CCSER1: variants seen among roughly 807,000 people sequenced by gnomAD.
CCSER1 encodes the protein coiled-coil serine rich protein 1.
A neutral mutation model predicts 82.0 loss-of-function variants in CCSER1; 41 were observed. The ratio of observed to expected loss-of-function variants is 0.50; its 90% CI spans 0.39 to 0.65. CCSER1 has a LOEUF of 0.65. CCSER1 is among the 30% of genes least tolerant of loss of function. The pLI is 0.00. For missense variants in CCSER1, 1,119 were observed against 1,064.2 expected (o/e 1.05, Z -0.72); for synonymous variants, 414 against 383.9 (o/e 1.08, Z -0.92).
chr4:91,477,990 A>G (rs1306771364), intron 10 of CCSER1, among the ~76,000 whole-genome samples: 1 of 151,910 alleles, frequency 6.6e-6, no homozygotes, highest in African/African-American at 2.4e-5. Context: ...ACTATATTCC[A>G]GTCTTCTTGA....
chr4:90,933,316 T>C lies in CCSER1; in HGVS notation c.2172+9869T>C, dbSNP rs550998460. 6.0e-3 allele frequency among the ~76,000 whole-genome samples: 911 copies of C among 151,438 alleles called. 6 individuals are homozygous for C. Among genetic ancestry groups the C allele is most frequent in the African/African-American group, 0.021 (863 of 41,296 alleles). ...CATTCTCCTGCCTCAGCCTCCTGAG[T>C]AGCTGGGACTACAGGCGCCCGCCAC... On this transcript the variant is annotated intron_variant, in intron 9 of 10. Transcript: ENST00000509176.
At chr4:91,159,235 C>T (rs1054770576) in intron 10 of CCSER1, among the ~76,000 whole-genome samples, 1 of 151,884 alleles carries the variant, frequency 6.6e-6, no homozygotes, top group Non-Finnish European at 1.5e-5. Flanking sequence ...TAGAATGAGT[C>T]CTCTTATAAC....
chr4:90,146,866 C>A (rs1348351703), intron 1 of CCSER1, among the ~76,000 whole-genome samples: 1 of 151,960 alleles, frequency 6.6e-6, no homozygotes, highest in African/African-American at 2.4e-5. Flanking sequence ...TTTCTGTAAC[C>A]ACATGAATTA....
chr4:91,493,809 A>G (rs911811398), intron 10 of CCSER1, among the ~76,000 whole-genome samples: 6 of 151,858 alleles, frequency 4.0e-5, no homozygotes, highest in African/African-American at 1.2e-4. Flanking sequence ...AGATACCACA[A>G]ATATCTAATT....
At chr4:90,277,470 G>A (rs1032574597) in intron 1 of CCSER1, among the ~76,000 whole-genome samples, 50 of 152,010 alleles carry the variant, frequency 3.3e-4, no homozygotes, top group Admixed American at 2.6e-3. Context: ...GTACTAGTAC[G>A]AAAACAGACA....
chr4:90,758,930 T>C (rs1290558254), intron 7 of CCSER1, among the ~76,000 whole-genome samples: 1 of 152,140 alleles, frequency 6.6e-6, no homozygotes, highest in Non-Finnish European at 1.5e-5. Context: ...TAATAATATT[T>C]CATGCTATTG....
chr4:91,154,400 G>T (rs1018818392), intron 10 of CCSER1, among the ~76,000 whole-genome samples: 2 of 152,184 alleles, frequency 1.3e-5, no homozygotes. Context: ...ATTTCCTGGT[G>T]CCATTTGTTA....
intron 7 of CCSER1, among the ~76,000 whole-genome samples, chr4:90,738,920 C>T (rs963081827): frequency 5.3e-5 from 8 of 152,196 alleles, no homozygotes; most frequent in Non-Finnish European, 1.2e-4. Context: ...GGAGCCAGTG[C>T]CTGGAATTCA....
At chr4:90,933,285 T>C (rs1730479162) in intron 9 of CCSER1, among the ~76,000 whole-genome samples, 1 of 151,074 alleles carries the variant, frequency 6.6e-6, no homozygotes, top group African/African-American at 2.4e-5. Context: ...CCTCCCGGGT[T>C]CACCGCATTC....
At chr4:91,473,181 G>A (rs762976835) in intron 10 of CCSER1, among the ~76,000 whole-genome samples, 3 of 152,140 alleles carry the variant, frequency 2.0e-5, no homozygotes, top group Non-Finnish European at 4.4e-5. Flanking sequence ...GGAATGTAAG[G>A]AAAGTTACTG....
chr4:91,052,916 C>T (rs1182136029), intron 9 of CCSER1, among the ~76,000 whole-genome samples: 1 of 151,932 alleles, frequency 6.6e-6, no homozygotes, highest in East Asian at 1.9e-4. Context: ...ATAAGAATAG[C>T]CTGTTTACAT....
At chr4:91,231,923 C>T (rs983665756) in intron 10 of CCSER1, among the ~76,000 whole-genome samples, 5 of 151,638 alleles carry the variant, frequency 3.3e-5, no homozygotes, top group African/African-American at 1.2e-4. Flanking sequence ...TAAATGCATC[C>T]TAAGTTGAGG....
At chr4:90,457,039 G>C (rs1020368545) in intron 4 of CCSER1, among the ~76,000 whole-genome samples, 7 of 152,200 alleles carry the variant, frequency 4.6e-5, no homozygotes, top group Admixed American at 1.3e-4. Context: ...GCGGTGAGGA[G>C]TGTGTAAGCG....
intron 10 of CCSER1, among the ~76,000 whole-genome samples, chr4:91,369,235 A>G (rs758244389): frequency 3.3e-5 from 5 of 152,206 alleles, no homozygotes; most frequent in East Asian, 1.9e-4. Flanking sequence ...TGCTTTGACC[A>G]TGGACTACCC....
At chr4:90,145,308 T>A (rs1161816613) in intron 1 of CCSER1, among the ~76,000 whole-genome samples, 2 of 152,250 alleles carry the variant, frequency 1.3e-5, no homozygotes, top group African/African-American at 4.8e-5. Flanking sequence ...GAATGCCACA[T>A]AATCAAAATA....
chr4:90,804,918 C>T (rs1757310269), intron 7 of CCSER1, among the ~76,000 whole-genome samples: 1 of 152,068 alleles, frequency 6.6e-6, no homozygotes, highest in African/African-American at 2.4e-5. Context: ...ATCATAAGAA[C>T]ATAAATATTG....
At chr4:91,568,738 C>T (rs1319264606) in intron 10 of CCSER1, among the ~76,000 whole-genome samples, 1 of 152,064 alleles carries the variant, frequency 6.6e-6, no homozygotes, top group Non-Finnish European at 1.5e-5. Context: ...TCATTCAGCT[C>T]CTATATTCTT....
intron 1 of CCSER1, among the ~76,000 whole-genome samples, chr4:90,283,329 A>G (rs951034446): frequency 6.6e-6 from 1 of 151,796 alleles, no homozygotes; most frequent in African/African-American, 2.4e-5. Context: ...TTTATTTTTT[A>G]TTTGTATTTT....
At chr4:90,127,926 C>G (rs1399705669) in intron 1 of CCSER1, 95 bp downstream of exon 1, 1 of 151,876 alleles carries the variant, frequency 6.6e-6, no homozygotes, top group Non-Finnish European at 1.5e-5. Flanking sequence ...GATGACCGCT[C>G]GGCAGGTGAC....
Sources: gnomAD v4.1 joint callset for allele counts (sites outside exome capture counted in the v4.1 genomes callset) on GRCh38, gnomAD v4.1.1 for gene constraint, MANE v1.5 for transcripts, NCBI Gene and HGNC (gene_info 2026-07-23, HGNC 2026-07-21) for gene names.